PCSK2: variants seen among roughly 807,000 people sequenced by gnomAD.
PCSK2 encodes the protein neuroendocrine convertase 2.
PCSK2 carries 14 observed loss-of-function variants against 69.7 expected under a neutral mutation model. The observed-to-expected ratio is 0.20, with a 90% CI of 0.13 to 0.31. The LOEUF (loss-of-function observed/expected upper bound fraction) is 0.31, where lower values mean the gene tolerates loss of function less well. PCSK2 is among the 10% of genes least tolerant of loss of function. The probability of loss-of-function intolerance (pLI) is 1.00; values close to 1 mark genes in which losing one functional copy is unlikely to be tolerated. For missense variants in PCSK2, 544 were observed against 842.5 expected (o/e 0.65, Z 4.39); for synonymous variants, 307 against 320.7 (o/e 0.96, Z 0.46).
intron 2 of PCSK2, among the ~76,000 whole-genome samples, chr20:17,325,342 C>T (rs944015260): frequency 5.3e-5 from 8 of 152,164 alleles, no homozygotes; most frequent in Admixed American, 3.9e-4. Flanking sequence ...AATCACTACA[C>T]AGTTTGTAAA....
intron 1 of PCSK2, among the ~76,000 whole-genome samples, chr20:17,244,383 T>A (rs1391724310): frequency 2.0e-5 from 3 of 152,240 alleles, no homozygotes; most frequent in African/African-American, 7.2e-5. Context: ...AATGGGTTTC[T>A]GTCCCAGCTC....
At chr20:17,451,771 G>A (rs1303903040) in intron 8 of PCSK2, among the ~76,000 whole-genome samples, 5 of 152,170 alleles carry the variant, frequency 3.3e-5, no homozygotes, top group Non-Finnish European at 7.3e-5. Flanking sequence ...ACAAAGAAGA[G>A]AATGTTTAGC....
intron 1 of PCSK2, among the ~76,000 whole-genome samples, chr20:17,241,759 CT>C (rs1482828785): frequency 1.3e-5 from 2 of 152,174 alleles, no homozygotes; most frequent in African/African-American, 4.8e-5. Flanking sequence ...TGCACCTCCC[CT>C]GACATATAAA....
intron 2 of PCSK2, among the ~76,000 whole-genome samples, chr20:17,324,077 T>A (rs1333687806): frequency 1.3e-5 from 2 of 152,214 alleles, no homozygotes; most frequent in East Asian, 3.9e-4. Context: ...TTTTCTGTAC[T>A]ATTCCCAGAA....
At chr20:17,229,477 T>C (rs1276921222) in intron 1 of PCSK2, among the ~76,000 whole-genome samples, 1 of 150,512 alleles carries the variant, frequency 6.6e-6, no homozygotes, top group Non-Finnish European at 1.5e-5. Context: ...AAAACCATTG[T>C]TCTCAGTGGT....
chr20:17,330,085 G>A (rs1256177676), intron 2 of PCSK2, among the ~76,000 whole-genome samples: 1 of 152,148 alleles, frequency 6.6e-6, no homozygotes, highest in East Asian at 1.9e-4. Context: ...ATTTCAACAT[G>A]TTATCAGTAC....
intron 11 of PCSK2, among the ~76,000 whole-genome samples, chr20:17,479,803 A>C (rs3790330): frequency 2.8e-5 from 3 of 106,244 alleles, no homozygotes; most frequent in East Asian, 2.7e-4. Flanking sequence ...TCTCAAAAAA[A>C]AAAAAAAAAA....
intron 2 of PCSK2, among the ~76,000 whole-genome samples, chr20:17,278,897 T>G (rs1401916610): frequency 6.6e-6 from 1 of 151,960 alleles, no homozygotes; most frequent in Non-Finnish European, 1.5e-5. Context: ...ATGTCTAATT[T>G]TTCCCCTACA....
chr20:17,276,436 T>C (rs1009425308), intron 2 of PCSK2, among the ~76,000 whole-genome samples: 1 of 132,160 alleles, frequency 7.6e-6, no homozygotes, highest in African/African-American at 2.9e-5. Context: ...AGATTTAACT[T>C]TTAAATTCAA....
intron 2 of PCSK2, among the ~76,000 whole-genome samples, chr20:17,327,585 C>A (rs1179024969): frequency 6.6e-6 from 1 of 152,208 alleles, no homozygotes; most frequent in African/African-American, 2.4e-5. Flanking sequence ...AGAGCGGCGC[C>A]CGGACCTGCT....
chr20:17,455,794 T>C (rs2032908812), intron 9 of PCSK2, among the ~76,000 whole-genome samples: 4 of 152,252 alleles, frequency 2.6e-5, no homozygotes. Flanking sequence ...GAACAACTCA[T>C]TTATCTTGTG....
intron 8 of PCSK2, 131 bp downstream of exon 8, chr20:17,437,014 A>G: frequency 5.2e-6 from 4 of 761,956 alleles, no homozygotes; most frequent in Non-Finnish European, 8.1e-6. Flanking sequence ...CAGACAGCAC[A>G]GGGGCTTAGC....
At chr20:17,433,696 T>C (rs1306945893) in intron 7 of PCSK2, among the ~76,000 whole-genome samples, 5 of 152,070 alleles carry the variant, frequency 3.3e-5, no homozygotes, top group Non-Finnish European at 7.4e-5. Flanking sequence ...TAGAAACACT[T>C]GATGTGTGCC....
At chr20:17,226,747 A>T (rs1201668622), upstream of PCSK2, among the ~76,000 whole-genome samples, 2 of 146,362 alleles carry the variant, frequency 1.4e-5, no homozygotes, top group African/African-American at 2.5e-5. Flanking sequence ...GCGGCGGGCC[A>T]GGCTGAGATG....
intron 11 of PCSK2, among the ~76,000 whole-genome samples, chr20:17,472,613 CTGGAG>C (rs1342118032): frequency 2.0e-5 from 3 of 152,214 alleles, no homozygotes. Flanking sequence ...GTGGCCCAGG[CTGGAG>C]TGCAGTGGCA....
At chr20:17,293,819 A>G (rs1988776126) in intron 2 of PCSK2, among the ~76,000 whole-genome samples, 1 of 152,186 alleles carries the variant, frequency 6.6e-6, no homozygotes, top group South Asian at 2.1e-4. Flanking sequence ...TGTTCAGCCC[A>G]ACAAATGAAC....
intron 2 of PCSK2, among the ~76,000 whole-genome samples, chr20:17,300,028 G>C: frequency 6.6e-6 from 1 of 152,236 alleles, no homozygotes; most frequent in South Asian, 2.1e-4. Flanking sequence ...ACAGTTGAGA[G>C]ATTGCTGTCC....
chr20:17,484,177 T>C lies in PCSK2; in HGVS notation c.*2107T>C, dbSNP rs1407089712. ...CTGTATAAACATTAAATGTCTTATATAGCAGCAAAAATATAAAATAGTTGT... is the reference window on the plus strand; with the variant it reads ...CTGTATAAACATTAAATGTCTTATACAGCAGCAAAAATATAAAATAGTTGT... On this transcript the variant is annotated 3_prime_UTR_variant, in exon 12 of 12. Transcript: ENST00000262545. The C allele has an allele frequency of 1.3e-5, 2 of 152,322 alleles. No individual in the cohort carries two copies. The highest frequency in any genetic ancestry group is 2.9e-5 in the Non-Finnish European group (2 of 68,024). The allele number at this position is 152,322 out of a possible 1,614,324, so 9.4% of individuals were successfully genotyped here.
At chr20:17,470,779 G>A (rs957266276) in intron 11 of PCSK2, among the ~76,000 whole-genome samples, 2 of 152,104 alleles carry the variant, frequency 1.3e-5, no homozygotes, top group Non-Finnish European at 1.5e-5. Context: ...CTGGGGCCTG[G>A]TACCTCATTC....
Sources: allele counts gnomAD v4.1 joint callset (sites outside exome capture counted in the v4.1 genomes callset), GRCh38; gene constraint gnomAD v4.1.1; transcripts MANE v1.5; gene names NCBI Gene and HGNC (gene_info 2026-07-23, HGNC 2026-07-21).